The following ZNF669 variants were observed in gnomAD, a reference collection of about 807,000 sequenced individuals.
ZNF669 encodes zinc finger protein 669.
In ZNF669, 7 loss-of-function variants were observed where a neutral mutation model predicts 11.4. That is an observed-to-expected ratio of 0.62 (90% confidence interval 0.35 to 1.16). The LOEUF is 1.16. ZNF669 is among the 50% of genes most tolerant of loss of function. The pLI, the probability that ZNF669 is intolerant of heterozygous loss-of-function variation, is 0.02. For synonymous variants in ZNF669, 153 were observed against 155.8 expected, an observed-to-expected ratio of 0.98 and a Z score of 0.13; for missense variants, 492 against 463.6, an observed-to-expected ratio of 1.06 and a Z score of -0.56.
At chr1:247,104,033 C>T in intron 1 of ZNF669, 164 bp downstream of exon 1, 2 of 1,585,618 alleles carry the variant, frequency 1.3e-6, no homozygotes, top group Non-Finnish European at 1.7e-6. Context: ...CGCTGCCCGC[C>T]CCGCCCGGCC....
rs769266434 is a variant in ZNF669 at position 247,100,395 on chromosome 1, G to A, written c.1116C>T (p.Gly372=). 7 of 1,604,894 alleles carry A rather than the reference G, an allele frequency of 4.4e-6. No homozygotes were observed. Among genetic ancestry groups the A allele is most frequent in the Non-Finnish European group, 6.0e-6 (7 of 1,173,224 alleles). Residue 372 remains glycine, a synonymous_variant, in exon 4 of 4, where the codon GGC becomes GGT. Coordinates refer to ENST00000448299, the MANE Select transcript of ZNF669 (RefSeq NM_001142572.2). ...GGGCTCAAGCAATCCACACGCCTTG[G>A]CCTCCCAAAGTGCTGGGATTATAGG... ...DSAYNPSTLG[G]QGVWIA is the part of the protein sequence containing the mutation.
chr1:247,101,848 T>C (rs1671731210), intron 2 of ZNF669, 57 bp from the exon 3 acceptor site: 11 of 1,599,610 alleles, frequency 6.9e-6, no homozygotes, highest in Middle Eastern at 3.3e-4. Context: ...GACACATTAC[T>C]AGATTTAATG....
At position 247,104,187 on chromosome 1, in the gene ZNF669, G is replaced by T; in HGVS notation, c.3+10C>A. Reference sequence around the variant, plus strand: ...TCTCCACTTCGGGAAGCCAGGCGCAGTCCACTCACCATTCCTCGGCTTCCC... The same window carrying T: ...TCTCCACTTCGGGAAGCCAGGCGCATTCCACTCACCATTCCTCGGCTTCCC... On this transcript the variant is annotated intron_variant, in intron 1 of 3. Coordinates refer to ENST00000448299, the MANE Select transcript of ZNF669 (RefSeq NM_001142572.2). 6.5e-7 allele frequency: 1 copy of T among 1,529,688 alleles called. No individual in the cohort carries two copies. The highest frequency in any genetic ancestry group is 8.8e-7 in the Non-Finnish European group (1 of 1,139,732). The allele number at this position is 1,529,688 out of a possible 1,614,324, so 94.8% of individuals were successfully genotyped here.
Position 247,104,292 on chromosome 1 carries a change from C to T in ZNF669, c.-93G>A. On this transcript the variant is annotated 5_prime_UTR_variant, in exon 1 of 4. Transcript: ENST00000448299. Reference sequence around the variant, plus strand: ...AGAGGCTGCTGCAGAGCCACCTGGGCCTCCCAGAGCCAAGAACTAGCAGCG... The same window carrying T: ...AGAGGCTGCTGCAGAGCCACCTGGGTCTCCCAGAGCCAAGAACTAGCAGCG... 1 of 1,415,830 alleles carries T rather than the reference C, an allele frequency of 7.1e-7. No individual in the cohort carries two copies. Among genetic ancestry groups the T allele is most frequent in the Non-Finnish European group, 9.3e-7 (1 of 1,080,798 alleles). 87.7% of individuals were successfully genotyped at this position (1,415,830 alleles called of 1,614,324 possible).
In ZNF669 at chr1:247,104,247, C is replaced by T; in HGVS notation, c.-48G>A. 6.7e-7 allele frequency: 1 copy of T among 1,492,146 alleles called. No homozygotes were observed. Among genetic ancestry groups the T allele is most frequent in the Non-Finnish European group, 8.9e-7 (1 of 1,122,820 alleles). The allele number at this position is 1,492,146 out of a possible 1,614,324, so 92.4% of individuals were successfully genotyped here. On this transcript the variant is annotated 5_prime_UTR_variant, in exon 1 of 4. Transcript: ENST00000448299. ...GGCGTCAGCTAGGGATGTCCCAATACTCGCAGGTCACAGGGTGGCAGAGGC... is the reference window on the plus strand; with the variant it reads ...GGCGTCAGCTAGGGATGTCCCAATATTCGCAGGTCACAGGGTGGCAGAGGC...
Position 247,100,576 on chromosome 1 carries a change from G to C in ZNF669, c.935C>G (p.Ala312Gly). ...KPYECKQCDQ[A>G]FSRLSSLHLH... ...GTGAAGGGAACTGAGGCGACTGAAG[G>C]CTTGATCACATTGTTTACATTCATA... Residue 312 changes from alanine to glycine, a missense_variant, in exon 4 of 4, where the codon GCC (alanine) becomes GGC (glycine). Ala to Gly is a moderately conservative substitution (Grantham distance 60). Transcript: ENST00000448299. 1.9e-6 allele frequency: 3 copies of C among 1,614,192 alleles called. No homozygotes were observed. The highest frequency in any genetic ancestry group is 2.5e-6 in the Non-Finnish European group (3 of 1,180,026).
In ZNF669 at chr1:247,101,054, T is replaced by C. The variant is rs149094745; in HGVS notation, c.457A>G (p.Arg153Gly). 4,069 of 1,613,984 alleles carry C rather than the reference T, an allele frequency of 2.5e-3. 11 individuals carry two copies. Among genetic ancestry groups the C allele is most frequent in the Non-Finnish European group, 3.0e-3 (3,588 of 1,180,026 alleles). The change falls in exon 4 of 4, where the codon AGA becomes GGA. Residue 153 changes from arginine (R) to glycine (G), a missense_variant. Arg to Gly is a moderately radical substitution (Grantham distance 125). Transcript: ENST00000448299. ...TTTCCACTGTGCATTATCATGTGTC[T>C]TCTAACACCTGGAACAGAAACGAAG... is the stretch of plus-strand genomic sequence containing the variant. ...KFFVSVPGVR[R>G]HMIMHSGNPA...
At chr1:247,101,423 CA>C in intron 3 of ZNF669, 104 bp from the exon 4 acceptor site, 2 of 1,339,534 alleles carry the variant, frequency 1.5e-6, no homozygotes. Context: ...AGGGAAAATG[CA>C]TTTTTTTTTT....
intron 1 of ZNF669, among the ~76,000 whole-genome samples, chr1:247,102,921 CAT>C (rs143687948): frequency 0.036 from 5,421 of 152,252 alleles, 127 homozygotes; most frequent in Non-Finnish European, 0.05. Context: ...AAATATGGCA[CAT>C]GTTTTTTAAA....
At chr1:247,103,627 G>A (rs1176568611) in intron 1 of ZNF669, among the ~76,000 whole-genome samples, 1 of 86,344 alleles carries the variant, frequency 1.2e-5, no homozygotes, top group Non-Finnish European at 2.0e-5. Flanking sequence ...GCGAGATTCC[G>A]TCTCCAAAAA....
In ZNF669 at chr1:247,101,258, T is replaced by C. The variant is rs1297052213; in HGVS notation, c.253A>G (p.Ser85Gly). The C allele has an allele frequency of 4.3e-6, 7 of 1,612,766 alleles. No homozygotes were observed. The highest frequency in any genetic ancestry group is 4.2e-6 in the Non-Finnish European group (5 of 1,179,480). ...TTCAGATCAAGATTTGGAATTTGGC[T>C]GACAACTTCTCCATACTGACCATCT... The part of the protein sequence containing the change: ...KEDGQYGEVV[S>G]QIPNLDLNEN... Residue 85 changes from serine (S) to glycine (G), a missense_variant, in exon 4 of 4, where the codon AGC (serine) becomes GGC (glycine). By Grantham distance (56) the Ser-to-Gly change is moderately conservative (BLOSUM62 0). Coordinates refer to ENST00000448299, the MANE Select transcript of ZNF669 (RefSeq NM_001142572.2).
intron 1 of ZNF669, among the ~76,000 whole-genome samples, chr1:247,103,632 CAAAAAAAAAAAAAAAAA>C (rs58671011): frequency 1.0e-4 from 5 of 49,980 alleles, no homozygotes; most frequent in South Asian, 1.2e-3. Flanking sequence ...ATTCCGTCTC[CAAAAAAAAAAAAAAAAA>C]AAAAAAAAAA....
Position 247,100,291 on chromosome 1 carries a change from A to AT in ZNF669, c.*82dup. 2.2e-6 allele frequency: 2 copies of AT among 893,532 alleles called. No homozygotes were observed. Among genetic ancestry groups the AT allele is most frequent in the Non-Finnish European group, 3.3e-6 (2 of 597,020 alleles). 55.4% of individuals were successfully genotyped at this position (893,532 alleles called of 1,614,324 possible). The stretch of plus-strand genomic sequence containing the variant: ...AAGCCACCGTGCCCGGCATTATTTT[A>AT]TTTTTTGTAAAGACAGGGTTTCACC... On this transcript the variant is annotated 3_prime_UTR_variant, in exon 4 of 4. Transcript: ENST00000448299.
intron 1 of ZNF669, chr1:247,103,828 A>G (rs1671780101): frequency 7.5e-7 from 1 of 1,332,022 alleles, no homozygotes; most frequent in Non-Finnish European, 1.0e-6. Flanking sequence ...AGGGGAAGAA[A>G]GGTGGGACTG....
Position 247,102,298 on chromosome 1 carries a change from T to C in ZNF669, c.4-185A>G, listed in dbSNP as rs947596716. Among the ~76,000 whole-genome samples the C allele has an allele frequency of 3.9e-5, 6 of 152,320 alleles. 1 individual carries two copies. The highest frequency in any genetic ancestry group is 2.1e-4 in the South Asian group (1 of 4,824). Reference sequence around the variant, plus strand: ...CCACACAGCAGTACTAATGCTAGAATTGAACTATTCAAAAAGGCAACAGCA... The same window carrying C: ...CCACACAGCAGTACTAATGCTAGAACTGAACTATTCAAAAAGGCAACAGCA... On this transcript the variant is annotated intron_variant, in intron 1 of 3. Transcript: ENST00000448299.
At position 247,100,280 on chromosome 1, in the gene ZNF669, G is replaced by A. The variant is rs1017374486; in HGVS notation, c.*94C>T. 52 of 814,152 alleles carry A rather than the reference G, an allele frequency of 6.4e-5. No homozygotes were observed. Among genetic ancestry groups the A allele is most frequent in the Middle Eastern group, 7.3e-4 (2 of 2,722 alleles). 50.4% of individuals were successfully genotyped at this position (814,152 alleles called of 1,614,324 possible). A position where few individuals can be genotyped will look rare whatever the true frequency, so the allele number is the denominator to read the frequency against. ...ATTACAGGCGTAAGCCACCGTGCCC[G>A]GCATTATTTTATTTTTTGTAAAGAC... On this transcript the variant is annotated 3_prime_UTR_variant, in exon 4 of 4. Transcript: ENST00000448299.
At position 247,100,370 on chromosome 1, in the gene ZNF669, G is replaced by A. The variant is rs529281596; in HGVS notation, c.*4C>T. On this transcript the variant is annotated 3_prime_UTR_variant, in exon 4 of 4. Transcript: ENST00000448299. ...TAATCCAGGCTGGTTATGAACTCCTGGGCTCAAGCAATCCACACGCCTTGG... is the reference window on the plus strand; with the variant it reads ...TAATCCAGGCTGGTTATGAACTCCTAGGCTCAAGCAATCCACACGCCTTGG... The A allele has an allele frequency of 6.5e-7, 1 of 1,538,210 alleles. No homozygotes were observed. Among genetic ancestry groups the A allele is most frequent in the African/African-American group, 1.4e-5 (1 of 72,886 alleles).
rs113162599 is a variant in ZNF669 at position 247,100,289 on chromosome 1, TTA to T, written c.*83_*84del. 3,387 of 887,726 alleles carry T rather than the reference TTA, an allele frequency of 3.8e-3. 68 individuals are homozygous for T. The African/African-American group carries it at 0.048, about 13-fold the overall frequency. 55.0% of individuals were successfully genotyped at this position (887,726 alleles called of 1,614,324 possible). A position where few individuals can be genotyped will look rare whatever the true frequency, so the allele number is the denominator to read the frequency against. On this transcript the variant is annotated 3_prime_UTR_variant, in exon 4 of 4. Coordinates refer to ENST00000448299, the MANE Select transcript of ZNF669 (RefSeq NM_001142572.2). The stretch of plus-strand genomic sequence containing the variant: ...GTAAGCCACCGTGCCCGGCATTATT[TTA>T]TTTTTTGTAAAGACAGGGTTTCACC...
At chr1:247,104,017 G>C (rs374971598) in intron 1 of ZNF669, 180 bp downstream of exon 1, 3 of 1,595,764 alleles carry the variant, frequency 1.9e-6, no homozygotes, top group African/African-American at 2.7e-5. Flanking sequence ...CAGGATGCAG[G>C]GGTTCCGCTG....
Sources: gnomAD v4.1 joint callset for allele counts (sites outside exome capture counted in the v4.1 genomes callset) on GRCh38, gnomAD v4.1.1 for gene constraint, MANE v1.5 for transcripts, NCBI Gene and HGNC (gene_info 2026-07-23, HGNC 2026-07-21) for gene names.